Variants in GRIA1 observed in about 807,000 individuals in gnomAD.
GRIA1 encodes glutamate ionotropic receptor AMPA type subunit 1, also known as glutamate receptor 1.
GRIA1 carries 31 observed loss-of-function variants against 99.2 expected under a neutral mutation model. The ratio of observed to expected loss-of-function variants is 0.31; its 90% CI spans 0.23 to 0.42. The LOEUF (loss-of-function observed/expected upper bound fraction) is 0.42. Among genes scored for constraint, GRIA1 ranks in the 10% least tolerant of loss-of-function variants. GRIA1 has a pLI of 1.00. For missense variants in GRIA1, 782 were observed against 1,157.5 expected (o/e 0.68, Z 4.71); for synonymous variants, 438 against 432.4 (o/e 1.01, Z -0.16).
chr5:153,645,009 T>G (rs1754040734), intron 2 of GRIA1, among the ~76,000 whole-genome samples: 1 of 152,034 alleles, frequency 6.6e-6, no homozygotes, highest in African/African-American at 2.4e-5. Flanking sequence ...GGGAAAACTT[T>G]GAGTGGATTT....
chr5:153,533,816 C>T (rs533101130), intron 2 of GRIA1, among the ~76,000 whole-genome samples: 8 of 152,328 alleles, frequency 5.3e-5, no homozygotes, highest in African/African-American at 1.9e-4. Context: ...CTTCTAAGCA[C>T]ATCCCATGCA....
chr5:153,573,476 A>C (rs1188803172), intron 2 of GRIA1, among the ~76,000 whole-genome samples: 1 of 152,184 alleles, frequency 6.6e-6, no homozygotes, highest in Non-Finnish European at 1.5e-5. Flanking sequence ...TGTTGGCTGC[A>C]ATCATTATTA....
chr5:153,709,487 T>C (rs1249015721), intron 11 of GRIA1, among the ~76,000 whole-genome samples: 1 of 152,214 alleles, frequency 6.6e-6, no homozygotes, highest in Non-Finnish European at 1.5e-5. Flanking sequence ...AGTGTAATTG[T>C]CTGCAAATAA....
chr5:153,535,128 G>A (rs1758447609), intron 2 of GRIA1, among the ~76,000 whole-genome samples: 1 of 152,042 alleles, frequency 6.6e-6, no homozygotes, highest in Non-Finnish European at 1.5e-5. Flanking sequence ...CCCCATGTTG[G>A]CCAGGCTGGT....
intron 11 of GRIA1, among the ~76,000 whole-genome samples, chr5:153,724,022 C>T (rs545358486): frequency 5.3e-5 from 8 of 152,316 alleles, no homozygotes; most frequent in Admixed American, 2.6e-4. Flanking sequence ...ATACCTCACA[C>T]GGCCGGGTAC....
At chr5:153,623,964 A>G (rs369005376) in intron 2 of GRIA1, among the ~76,000 whole-genome samples, 1 of 93,088 alleles carries the variant, frequency 1.1e-5, no homozygotes, top group Non-Finnish European at 3.0e-5. Flanking sequence ...AAACCCATAT[A>G]TGGATTGAAA....
At chr5:153,719,466 T>A (rs1203084911) in intron 11 of GRIA1, among the ~76,000 whole-genome samples, 1 of 152,010 alleles carries the variant, frequency 6.6e-6, no homozygotes, top group Non-Finnish European at 1.5e-5. Context: ...GGAGGAATTA[T>A]CTGAGGGCTT....
intron 2 of GRIA1, among the ~76,000 whole-genome samples, chr5:153,565,038 A>G (rs1264667478): frequency 6.6e-6 from 1 of 152,126 alleles, no homozygotes; most frequent in Non-Finnish European, 1.5e-5. Context: ...TATAATTTTA[A>G]TTTTCCCCCC....
At position 153,506,550 on chromosome 5, in the gene GRIA1, G is replaced by A. The variant is rs146525868; in HGVS notation, c.220+12485G>A. 8.0e-4 allele frequency among the ~76,000 whole-genome samples: 122 copies of A among 152,218 alleles called. 1 individual carries two copies. The South Asian group carries it at 8.5e-3, about 11-fold the overall frequency. On this transcript the variant is annotated intron_variant, in intron 2 of 15. Coordinates refer to ENST00000285900, the MANE Select transcript of GRIA1 (RefSeq NM_000827.4). ...TTAATTGAGGTGGTTAATTAGAAAG[G>A]AGTCTCCCTTGAGCAAGCAGGATAA... is the stretch of plus-strand genomic sequence containing the variant.
intron 11 of GRIA1, among the ~76,000 whole-genome samples, chr5:153,721,795 A>G (rs1366757969): frequency 1.3e-5 from 2 of 152,214 alleles, no homozygotes; most frequent in African/African-American, 4.8e-5. Flanking sequence ...TTCCCAGTGT[A>G]AGGCCATTAT....
At chr5:153,719,704 GA>G (rs776037360) in intron 11 of GRIA1, among the ~76,000 whole-genome samples, 27 of 152,084 alleles carry the variant, frequency 1.8e-4, no homozygotes, top group Non-Finnish European at 3.4e-4. Context: ...AAAAGAGAAG[GA>G]ACATAGATTC....
intron 13 of GRIA1, among the ~76,000 whole-genome samples, chr5:153,772,722 T>C (rs1424244840): frequency 2.0e-5 from 3 of 152,174 alleles, no homozygotes; most frequent in Non-Finnish European, 2.9e-5. Flanking sequence ...ATTCAGATGA[T>C]AGTGTTTGGC....
intron 11 of GRIA1, among the ~76,000 whole-genome samples, chr5:153,718,811 C>T (rs1367354953): frequency 6.6e-6 from 1 of 152,178 alleles, no homozygotes; most frequent in Non-Finnish European, 1.5e-5. Context: ...GCTGGCCCAC[C>T]TCTGGCCAGA....
chr5:153,699,363 G>C (rs780927318), intron 10 of GRIA1, among the ~76,000 whole-genome samples: 1 of 152,192 alleles, frequency 6.6e-6, no homozygotes, highest in Non-Finnish European at 1.5e-5. Flanking sequence ...GCAGACTGCT[G>C]AGTTGTCTAT....
chr5:153,701,009 A>C (rs907343596), intron 10 of GRIA1, among the ~76,000 whole-genome samples: 4 of 152,196 alleles, frequency 2.6e-5, no homozygotes, highest in Non-Finnish European at 5.9e-5. Context: ...TGGATAGTAC[A>C]TGCTGCAGCT....
At chr5:153,539,895 A>G (rs1446184611) in intron 2 of GRIA1, among the ~76,000 whole-genome samples, 1 of 152,192 alleles carries the variant, frequency 6.6e-6, no homozygotes, top group Non-Finnish European at 1.5e-5. Flanking sequence ...AGCAACTTAC[A>G]GTGTAAGCTT....
At chr5:153,611,378 T>G (rs1765965263) in intron 2 of GRIA1, among the ~76,000 whole-genome samples, 1 of 152,220 alleles carries the variant, frequency 6.6e-6, no homozygotes, top group South Asian at 2.1e-4. Flanking sequence ...GGCACAATCT[T>G]CTTAGCCCCT....
At chr5:153,489,654 C>T (rs974751796), upstream of GRIA1, 2 of 282,144 alleles carry the variant, frequency 7.1e-6, no homozygotes, top group African/African-American at 4.5e-5. Context: ...TGCTGCTTTG[C>T]ATTTAACACT....
intron 2 of GRIA1, among the ~76,000 whole-genome samples, chr5:153,536,062 G>C (rs1208785132): frequency 6.6e-6 from 1 of 152,098 alleles, no homozygotes; most frequent in Non-Finnish European, 1.5e-5. Flanking sequence ...GGGAAATCCA[G>C]CCTCCGTAGT....
Sources: allele counts gnomAD v4.1 joint callset (sites outside exome capture counted in the v4.1 genomes callset), GRCh38; gene constraint gnomAD v4.1.1; transcripts MANE v1.5; gene names NCBI Gene and HGNC (gene_info 2026-07-23, HGNC 2026-07-21).